Variants in CNTNAP5 observed in about 807,000 individuals in gnomAD.
CNTNAP5 encodes contactin-associated protein-like 5.
In CNTNAP5, 72 loss-of-function variants were observed where a neutral mutation model predicts 150.2. The observed-to-expected ratio is 0.48, with a 90% CI of 0.40 to 0.58. The LOEUF (loss-of-function observed/expected upper bound fraction) is 0.58, where lower values mean the gene tolerates loss of function less well. Ranked by LOEUF, CNTNAP5 falls within the 20% of genes least tolerant of loss-of-function variation. The pLI is 0.00. For synonymous variants in CNTNAP5, 672 were observed against 619.8 expected (o/e 1.08, Z -1.25); for missense variants, 1,636 against 1,626.2 (o/e 1.01, Z -0.10).
chr2:124,242,330 C>T lies in CNTNAP5; in HGVS notation c.318C>T (p.Tyr106=), dbSNP rs769130518. The T allele has an allele frequency of 3.7e-6, 6 of 1,613,340 alleles. No homozygotes were observed. The highest frequency in any genetic ancestry group is 4.2e-6 in the Non-Finnish European group (5 of 1,179,694). ...GAAGCTCTGACTGGGTGACGAGTTA[C>T]AGCCTGATGTTCAGTGACACAGGAC... ...RYGSSDWVTS[Y]SLMFSDTGRN... The change falls in exon 3 of 24, where the codon TAC becomes TAT. Residue 106 remains tyrosine (Y), a synonymous_variant. Coordinates refer to ENST00000682447, the MANE Select transcript of CNTNAP5 (RefSeq NM_001367498.1).
chr2:124,255,877 C>G (rs1395039906), intron 3 of CNTNAP5, among the ~76,000 whole-genome samples: 4 of 152,066 alleles, frequency 2.6e-5, no homozygotes, highest in African/African-American at 9.7e-5. Context: ...ATAGTAGGTA[C>G]TCAATAAATG....
chr2:124,748,342 C>T (rs1472384897), intron 14 of CNTNAP5, among the ~76,000 whole-genome samples: 6 of 152,118 alleles, frequency 3.9e-5, no homozygotes, highest in Non-Finnish European at 8.8e-5. Context: ...TTCTTAGTCT[C>T]CTACACCAAC....
intron 1 of CNTNAP5, among the ~76,000 whole-genome samples, chr2:124,220,492 C>A (rs946278770): frequency 6.6e-6 from 1 of 152,064 alleles, no homozygotes; most frequent in Non-Finnish European, 1.5e-5. Context: ...AAATGTGTGT[C>A]ACCCAATGGA....
rs544510834 is a variant in CNTNAP5, at chr2:124,074,553, G to T, written c.82+48821G>T. ...AGGAGAGGAATAATGTCATGGCGAGGCTGTTGCATATGGAGAACAGTGCAG... is the reference window on the plus strand; with the variant it reads ...AGGAGAGGAATAATGTCATGGCGAGTCTGTTGCATATGGAGAACAGTGCAG... On this transcript the variant is annotated intron_variant, in intron 1 of 23. Coordinates refer to ENST00000682447, the MANE Select transcript of CNTNAP5 (RefSeq NM_001367498.1). Among the ~76,000 whole-genome samples, 16 of 152,186 alleles carry T rather than the reference G, an allele frequency of 1.1e-4. No individual in the cohort carries two copies. In the East Asian group the frequency reaches 3.1e-3, roughly 30 times the overall value.
At chr2:124,810,952 A>G (rs1682203820) in intron 19 of CNTNAP5, among the ~76,000 whole-genome samples, 1 of 152,180 alleles carries the variant, frequency 6.6e-6, no homozygotes, top group African/African-American at 2.4e-5. Flanking sequence ...AATGTTAAGA[A>G]TTTTAAAGTT....
In CNTNAP5 at chr2:124,588,111, C is replaced by T. The variant is rs912747269; in HGVS notation, c.1757-21690C>T. On this transcript the variant is annotated intron_variant, in intron 11 of 23. Coordinates refer to ENST00000682447, the MANE Select transcript of CNTNAP5 (RefSeq NM_001367498.1). ...CTTTCTTTCTTTTCTTCCTTCCTTCCCTCCTTTTCCTTCCTTCCTTTTCCT... is the reference window on the plus strand; with the variant it reads ...CTTTCTTTCTTTTCTTCCTTCCTTCTCTCCTTTTCCTTCCTTCCTTTTCCT... 2.0e-5 allele frequency among the ~76,000 whole-genome samples: 3 copies of T among 146,696 alleles called. No individual in the cohort carries two copies. The East Asian group carries it at 6.0e-4, about 29-fold the overall frequency.
intron 1 of CNTNAP5, among the ~76,000 whole-genome samples, chr2:124,048,903 T>G (rs537056117): frequency 6.6e-6 from 1 of 152,344 alleles, no homozygotes; most frequent in Non-Finnish European, 1.5e-5. Flanking sequence ...CACATTTATT[T>G]TTATGAGTGT....
chr2:124,854,186 A>G (rs906131848), intron 19 of CNTNAP5, among the ~76,000 whole-genome samples: 3 of 152,182 alleles, frequency 2.0e-5, no homozygotes, highest in Non-Finnish European at 2.9e-5. Context: ...TGTATTCCGT[A>G]GCACTGATCA....
At chr2:124,891,167 G>T (rs531169996) in intron 21 of CNTNAP5, among the ~76,000 whole-genome samples, 1 of 152,204 alleles carries the variant, frequency 6.6e-6, no homozygotes, top group East Asian at 1.9e-4. Flanking sequence ...TCAGTTGCTA[G>T]GTGATATATG....
At chr2:124,791,348 G>C (rs898401658) in intron 18 of CNTNAP5, among the ~76,000 whole-genome samples, 1 of 152,096 alleles carries the variant, frequency 6.6e-6, no homozygotes, top group Non-Finnish European at 1.5e-5. Flanking sequence ...AAAAATTTTC[G>C]GGCTAACCGC....
At chr2:124,476,519 CTG>C (rs150355114) in intron 7 of CNTNAP5, among the ~76,000 whole-genome samples, 3,134 of 152,228 alleles carry the variant, frequency 0.021, 105 homozygotes, top group African/African-American at 0.07. Flanking sequence ...TAAACCATCT[CTG>C]AGACTGCTCC....
At chr2:124,035,946 C>T (rs1205870761) in intron 1 of CNTNAP5, among the ~76,000 whole-genome samples, 5 of 103,798 alleles carry the variant, frequency 4.8e-5, no homozygotes, top group Non-Finnish European at 8.6e-5. Flanking sequence ...GAGACGGAGT[C>T]TCGCTCTGTC....
intron 3 of CNTNAP5, among the ~76,000 whole-genome samples, chr2:124,379,635 G>T (rs1690740294): frequency 6.6e-6 from 1 of 151,762 alleles, no homozygotes; most frequent in South Asian, 2.1e-4. Context: ...AGTTTTTTGT[G>T]TGGACATGAG....
intron 13 of CNTNAP5, among the ~76,000 whole-genome samples, chr2:124,745,046 C>A (rs528894190): frequency 1.3e-5 from 2 of 152,228 alleles, no homozygotes; most frequent in East Asian, 3.9e-4. Flanking sequence ...AGGAGGGAGG[C>A]ACTAAGAGGC....
intron 4 of CNTNAP5, among the ~76,000 whole-genome samples, chr2:124,423,053 T>G (rs1692145988): frequency 6.6e-6 from 1 of 152,156 alleles, no homozygotes; most frequent in Non-Finnish European, 1.5e-5. Context: ...ACTTGAGAAG[T>G]CAGTATAATG....
chr2:124,681,629 T>A (rs1558733561), intron 13 of CNTNAP5, among the ~76,000 whole-genome samples: 1 of 152,228 alleles, frequency 6.6e-6, no homozygotes, highest in Admixed American at 6.5e-5. Context: ...AGTGCTACGA[T>A]CTCTGCTCAC....
At chr2:124,441,646 A>G (rs1209557053) in intron 5 of CNTNAP5, among the ~76,000 whole-genome samples, 3 of 152,026 alleles carry the variant, frequency 2.0e-5, no homozygotes, top group African/African-American at 7.2e-5. Flanking sequence ...GCTATTTAAT[A>G]TAATACTTCA....
chr2:124,190,837 G>C (rs1181217750), intron 1 of CNTNAP5, among the ~76,000 whole-genome samples: 1 of 152,142 alleles, frequency 6.6e-6, no homozygotes, highest in Non-Finnish European at 1.5e-5. Flanking sequence ...TTCCATGTCT[G>C]TGGGTAGTTT....
rs532484531 is a variant in CNTNAP5, at chr2:124,848,051, C to T, written c.3218-17255C>T. On this transcript the variant is annotated intron_variant, in intron 19 of 23. Coordinates refer to ENST00000682447, the MANE Select transcript of CNTNAP5 (RefSeq NM_001367498.1). ...ATTCAAGATGTACAATGTGATGGGT[C>T]GATACATATAAACACTGTGTAATGG... is the stretch of plus-strand genomic sequence containing the variant. 2.6e-5 allele frequency among the ~76,000 whole-genome samples: 4 copies of T among 152,118 alleles called. No homozygotes were observed. The East Asian group carries it at 7.7e-4, about 29-fold the overall frequency.
Sources: allele counts gnomAD v4.1 joint callset (sites outside exome capture counted in the v4.1 genomes callset), GRCh38; gene constraint gnomAD v4.1.1; transcripts MANE v1.5; gene names NCBI Gene and HGNC (gene_info 2026-07-23, HGNC 2026-07-21).